TJP3: variants seen among roughly 807,000 people sequenced by gnomAD.
The protein encoded by TJP3 is tight junction protein ZO-3.
In TJP3, 85 loss-of-function variants were observed where a neutral mutation model predicts 104.2. That is an observed-to-expected ratio of 0.82 (90% confidence interval 0.68 to 0.98). The LOEUF (loss-of-function observed/expected upper bound fraction) is 0.98, where lower values mean the gene tolerates loss of function less well. TJP3 is among the 50% of genes least tolerant of loss of function. The pLI is 0.00. For missense variants in TJP3, 1,367 were observed against 1,322.8 expected (o/e 1.03, Z -0.52); for synonymous variants, 550 against 550.6 (o/e 1.00, Z 0.02).
intron 1 of TJP3, among the ~76,000 whole-genome samples, chr19:3,716,803 T>A (rs867649850): frequency 0.013 from 1,048 of 82,390 alleles, 10 homozygotes; most frequent in African/African-American, 0.034. Context: ...ATATATATAT[T>A]TTTTTTTTTT....
At chr19:3,720,803 T>C (rs543548597) in intron 1 of TJP3, among the ~76,000 whole-genome samples, 1 of 151,222 alleles carries the variant, frequency 6.6e-6, no homozygotes, top group Admixed American at 6.6e-5. Context: ...CGACCTTTAC[T>C]CCCTCCCAGA....
chr19:3,734,354 C>T lies in TJP3; in HGVS notation c.905C>T (p.Ser302Leu), dbSNP rs202057643. ...EDISDLASEL[S>L]QAPPSHIPPP... ...ATCTCGGACCTCGCCTCGGAGCTATCGCAGGCACCACCATCCCACATCCCA... is the reference window on the plus strand; with the variant it reads ...ATCTCGGACCTCGCCTCGGAGCTATTGCAGGCACCACCATCCCACATCCCA... The change falls in exon 8 of 21, where the codon TCG becomes TTG. Residue 302 changes from serine (S) to leucine (L), a missense_variant. Ser to Leu is a moderately radical substitution (Grantham distance 145). Coordinates refer to ENST00000541714, the MANE Select transcript of TJP3 (RefSeq NM_001267560.2). 18 of 1,613,684 alleles carry T rather than the reference C, an allele frequency of 1.1e-5. No individual in the cohort carries two copies. Among genetic ancestry groups the T allele is most frequent in the East Asian group, 8.9e-5 (4 of 44,874 alleles).
chr19:3,718,253 GTGTC>G (rs1378151009), intron 1 of TJP3, among the ~76,000 whole-genome samples: 2,463 of 54,500 alleles, frequency 0.045, 106 homozygotes, highest in Admixed American at 0.097. Context: ...GTGTGTGTGT[GTGTC>G]TGTGTGTGTG....
At chr19:3,729,781 CA>C (rs35091592) in intron 3 of TJP3, among the ~76,000 whole-genome samples, 148 of 120,526 alleles carry the variant, frequency 1.2e-3, no homozygotes, top group Middle Eastern at 4.7e-3. Context: ...GACTCTGTCT[CA>C]AAAAAAAAAA....
chr19:3,736,677 G>A (rs1346769688), intron 11 of TJP3, among the ~76,000 whole-genome samples: 1 of 152,002 alleles, frequency 6.6e-6, no homozygotes, highest in Non-Finnish European at 1.5e-5. Context: ...CCAGGTTCAA[G>A]CAATTCTTCT....
chr19:3,740,648 G>C lies in TJP3; in HGVS notation c.1728G>C (p.Arg576=), dbSNP rs1162633485. 6.2e-7 allele frequency: 1 copy of C among 1,604,154 alleles called. No individual in the cohort carries two copies. Among genetic ancestry groups the C allele is most frequent in the Non-Finnish European group, 8.5e-7 (1 of 1,176,042 alleles). Residue 576 remains arginine (R), a synonymous_variant, in exon 14 of 21, where the codon CGG becomes CGC. Transcript: ENST00000541714. ...AGSNARAEFW[R]LRGLRRGAKK... is the part of the protein sequence containing the mutation. ...CCAATGCTCGGGCCGAGTTCTGGCG[G>C]CTGCGGGGTCTTCGTCGAGGAGCCA...
At position 3,748,230 on chromosome 19, in the gene TJP3, G is replaced by A. The variant is rs1264855383; in HGVS notation, c.2610+149G>A. ...CTGGTTTCTGGGACTCAGACCTGGGGTAGCTGAGACCCACGTGGCACTGAG... is the reference window on the plus strand; with the variant it reads ...CTGGTTTCTGGGACTCAGACCTGGGATAGCTGAGACCCACGTGGCACTGAG... On this transcript the variant is annotated intron_variant, in intron 19 of 20. Coordinates refer to ENST00000541714, the MANE Select transcript of TJP3 (RefSeq NM_001267560.2). The A allele has an allele frequency of 3.0e-6, 3 of 1,007,602 alleles. No individual in the cohort carries two copies. In the South Asian group the frequency reaches 5.3e-5, roughly 18 times the overall value. The allele number at this position is 1,007,602 out of a possible 1,614,324, so 62.4% of individuals were successfully genotyped here. A position where few individuals can be genotyped will look rare whatever the true frequency, so the allele number is the denominator to read the frequency against.
At position 3,719,249 on chromosome 19, in the gene TJP3, G is replaced by A. The variant is rs371127930; in HGVS notation, c.-9-9175G>A. Among the ~76,000 whole-genome samples, 277 of 152,142 alleles carry A rather than the reference G, an allele frequency of 1.8e-3. 1 individual carries two copies. The highest frequency in any genetic ancestry group is 6.2e-3 in the African/African-American group (256 of 41,524). On this transcript the variant is annotated intron_variant, in intron 1 of 20. Coordinates refer to ENST00000541714, the MANE Select transcript of TJP3 (RefSeq NM_001267560.2). ...ATTTTTTGCGCCACCTGCTGGTGGC[G>A]GAGTGTCACACAGGGAAGGGCTGAG...
intron 1 of TJP3, among the ~76,000 whole-genome samples, chr19:3,722,092 G>A (rs1036472139): frequency 7.1e-6 from 1 of 141,696 alleles, no homozygotes; most frequent in Admixed American, 6.9e-5. Context: ...GCGTCCGCGC[G>A]TCCGCGCCCC....
chr19:3,718,018 A>G (rs546620113), intron 1 of TJP3, among the ~76,000 whole-genome samples: 3 of 151,452 alleles, frequency 2.0e-5, no homozygotes, highest in Admixed American at 6.6e-5. Context: ...GTTTGAGACC[A>G]TCCTGGCTAA....
intron 1 of TJP3, among the ~76,000 whole-genome samples, chr19:3,709,635 C>T (rs775654250): frequency 6.6e-6 from 1 of 152,134 alleles, no homozygotes; most frequent in African/African-American, 2.4e-5. Context: ...CATGGATGAT[C>T]GCATAGTGGG....
At position 3,721,955 on chromosome 19, in the gene TJP3, G is replaced by A. The variant is rs2036546319; in HGVS notation, c.-9-6469G>A. The A allele has an allele frequency of 5.4e-6, 6 of 1,114,690 alleles. No individual in the cohort carries two copies. The East Asian group carries it at 1.6e-4, about 30-fold the overall frequency. The allele number at this position is 1,114,690 out of a possible 1,614,324, so 69.0% of individuals were successfully genotyped here. On this transcript the variant is annotated intron_variant, in intron 1 of 20. Transcript: ENST00000541714. ...TGGCAGGGGGAGGGGCTCGGGCTGAGGTGGGGTGGGGGGAAAGCAGGGTTT... is the reference window on the plus strand; with the variant it reads ...TGGCAGGGGGAGGGGCTCGGGCTGAAGTGGGGTGGGGGGAAAGCAGGGTTT...
chr19:3,712,648 T>C (rs948734844), intron 1 of TJP3, among the ~76,000 whole-genome samples: 1 of 152,092 alleles, frequency 6.6e-6, no homozygotes. Context: ...TCCTCCCTTT[T>C]GGGGGAAATG....
chr19:3,717,398 C>T (rs1268967010), intron 1 of TJP3, among the ~76,000 whole-genome samples: 1 of 130,640 alleles, frequency 7.7e-6, no homozygotes, highest in Admixed American at 8.6e-5. Flanking sequence ...CTGTGCCCAG[C>T]CATAGCTTAT....
At chr19:3,729,638 C>T (rs57944018) in intron 3 of TJP3, among the ~76,000 whole-genome samples, 11,480 of 151,800 alleles carry the variant, frequency 0.076, 1,407 homozygotes, top group African/African-American at 0.26. Context: ...AAAAATTAGA[C>T]GGGTGTGGTG....
At chr19:3,741,196 T>C (rs1599160518) in intron 14 of TJP3, among the ~76,000 whole-genome samples, 1 of 151,356 alleles carries the variant, frequency 6.6e-6, no homozygotes, top group Non-Finnish European at 1.5e-5. Context: ...AAAGACGGGG[T>C]TTCACCATGT....
At chr19:3,712,196 A>G (rs1295235720) in intron 1 of TJP3, among the ~76,000 whole-genome samples, 2 of 152,188 alleles carry the variant, frequency 1.3e-5, no homozygotes, top group African/African-American at 2.4e-5. Context: ...TGTGCCTATA[A>G]TTCCAGCTAC....
At chr19:3,717,428 T>TATATAA (rs1293390428) in intron 1 of TJP3, among the ~76,000 whole-genome samples, 5 of 143,018 alleles carry the variant, frequency 3.5e-5, no homozygotes, top group Non-Finnish European at 6.1e-5. Context: ...TATATATATA[T>TATATAA]AATTTTATTT....
Position 3,746,118 on chromosome 19 carries a change from TG to T in TJP3, c.2010+42del. ...CCTGCTACGGGTCCCATTTCATGGA[TG>T]GGGGAAACCGAGGCCTGGGCATCCA... is the stretch of plus-strand genomic sequence containing the variant. On this transcript the variant is annotated intron_variant, in intron 16 of 20. Coordinates refer to ENST00000541714, the MANE Select transcript of TJP3 (RefSeq NM_001267560.2). The surrounding 1 kb of genome is among the most constrained non-coding windows in gnomAD (Gnocchi z 4.1). 1.3e-6 allele frequency: 2 copies of T among 1,574,538 alleles called. No individual in the cohort carries two copies. The highest frequency in any genetic ancestry group is 1.7e-6 in the Non-Finnish European group (2 of 1,155,830).
Sources: gnomAD v4.1 joint callset for allele counts (sites outside exome capture counted in the v4.1 genomes callset) on GRCh38, gnomAD v4.1.1 for gene constraint, Gnocchi (gnomAD v3.1) non-coding constraint, MANE v1.5 for transcripts, NCBI Gene and HGNC (gene_info 2026-07-23, HGNC 2026-07-21) for gene names.